PREX2: variants seen among roughly 807,000 people sequenced by gnomAD.
The protein encoded by PREX2 is phosphatidylinositol-3,4,5-trisphosphate dependent Rac exchange factor 2, also known as phosphatidylinositol 3,4,5-trisphosphate-dependent Rac exchanger 2 protein.
A neutral mutation model predicts 203.2 loss-of-function variants in PREX2; 107 were observed. The ratio of observed to expected loss-of-function variants is 0.53; its 90% CI spans 0.45 to 0.62. The LOEUF (loss-of-function observed/expected upper bound fraction) is 0.62, where lower values mean the gene tolerates loss of function less well. PREX2 is among the 20% of genes least tolerant of loss of function. The probability of loss-of-function intolerance (pLI) is 0.00; values close to 1 mark genes in which losing one functional copy is unlikely to be tolerated. For missense variants in PREX2, 1,777 were observed against 1,955.9 expected, an observed-to-expected ratio of 0.91 and a Z score of 1.72; for synonymous variants, 672 against 663.6, an observed-to-expected ratio of 1.01 and a Z score of -0.19.
intron 35 of PREX2, among the ~76,000 whole-genome samples, chr8:68,158,683 A>G (rs754059876): frequency 6.6e-5 from 10 of 152,280 alleles, no homozygotes; most frequent in Non-Finnish European, 1.2e-4. Flanking sequence ...AGATAAATAC[A>G]TAGCGCAAAG....
chr8:68,098,350 A>G (rs1306496944), intron 22 of PREX2, among the ~76,000 whole-genome samples: 4 of 152,172 alleles, frequency 2.6e-5, no homozygotes, highest in Non-Finnish European at 2.9e-5. Flanking sequence ...AGTGGGAGGA[A>G]GTAATATAGA....
At chr8:68,219,710 C>T (rs1014621897) in intron 38 of PREX2, among the ~76,000 whole-genome samples, 2 of 152,130 alleles carry the variant, frequency 1.3e-5, no homozygotes, top group African/African-American at 4.8e-5. Context: ...AGACTGGTGG[C>T]CCCAGAGATT....
At chr8:68,199,610 A>G (rs1339114160) in intron 37 of PREX2, among the ~76,000 whole-genome samples, 1 of 152,254 alleles carries the variant, frequency 6.6e-6, no homozygotes, top group African/African-American at 2.4e-5. Context: ...TGTATTACCA[A>G]TATGGTTAAT....
At chr8:68,019,440 G>A in intron 2 of PREX2, 109 bp from the exon 3 acceptor site, 1 of 789,122 alleles carries the variant, frequency 1.3e-6, no homozygotes, top group Non-Finnish European at 1.9e-6. Context: ...CAAGGTGGGA[G>A]GAAGGCATGG....
At chr8:68,046,241 C>T (rs988124664) in intron 8 of PREX2, among the ~76,000 whole-genome samples, 6 of 151,968 alleles carry the variant, frequency 3.9e-5, no homozygotes, top group African/African-American at 1.4e-4. Context: ...ATGTCAGTGC[C>T]ACTATTAGTG....
At chr8:67,972,610 G>A (rs1439851095) in intron 1 of PREX2, among the ~76,000 whole-genome samples, 2 of 152,098 alleles carry the variant, frequency 1.3e-5, no homozygotes, top group Admixed American at 1.3e-4. Context: ...TCACTTCCCC[G>A]GCATTGTTCA....
At chr8:68,196,981 A>G (rs1192124213) in intron 37 of PREX2, among the ~76,000 whole-genome samples, 1 of 152,162 alleles carries the variant, frequency 6.6e-6, no homozygotes, top group Non-Finnish European at 1.5e-5. Flanking sequence ...GTATTTTCTC[A>G]TAGTTCTGGA....
rs1308371480 is a variant in PREX2, at chr8:68,077,386, T to C, written c.1570-11T>C. 1.9e-6 allele frequency: 3 copies of C among 1,611,332 alleles called. No homozygotes were observed. Among genetic ancestry groups the C allele is most frequent in the Admixed American group, 3.3e-5 (2 of 60,030 alleles). On this transcript the variant is annotated splice_polypyrimidine_tract_variant and intron_variant, in intron 14 of 39. Coordinates refer to ENST00000288368, the MANE Select transcript of PREX2 (RefSeq NM_024870.4). ...GCCTATTAACTCCCACAGTGCTTTT[T>C]TGGTTAACAGGGAGATTGCCGCACC...
Position 68,074,672 on chromosome 8 carries a change from T to TTTTGTTTG in PREX2, c.1569+2114_1569+2121dup, listed in dbSNP as rs56229836. ...TCTTAATCTAACATGAAGAAGAGGTTTTTGTTTGTTTGTTTGTTTTTTGTT... is the reference window on the plus strand; with the variant it reads ...TCTTAATCTAACATGAAGAAGAGGTTTTTGTTTGTTTGTTTGTTTGTTTGTTTTTTGTT... On this transcript the variant is annotated intron_variant, in intron 14 of 39. Coordinates refer to ENST00000288368, the MANE Select transcript of PREX2 (RefSeq NM_024870.4). Among the ~76,000 whole-genome samples, 10 of 151,276 alleles carry TTTTGTTTG rather than the reference T, an allele frequency of 6.6e-5. No homozygotes were observed. The East Asian group carries it at 1.4e-3, about 21-fold the overall frequency.
chr8:68,115,172 C>T (rs900172561), intron 25 of PREX2, among the ~76,000 whole-genome samples: 5 of 151,902 alleles, frequency 3.3e-5, no homozygotes, highest in African/African-American at 9.7e-5. Context: ...GGATTACAAG[C>T]ATGCGCCACC....
intron 17 of PREX2, 74 bp downstream of exon 17, chr8:68,080,912 A>G: frequency 4.7e-6 from 4 of 855,402 alleles, no homozygotes; most frequent in Non-Finnish European, 7.8e-6. Context: ...ACAAACTGAA[A>G]TCTGCCTTTA....
intron 1 of PREX2, among the ~76,000 whole-genome samples, chr8:67,969,525 G>A (rs1008722687): frequency 3.9e-5 from 6 of 152,148 alleles, no homozygotes; most frequent in Non-Finnish European, 8.8e-5. Flanking sequence ...ATAACCCAAG[G>A]AGAGGTAGAT....
At chr8:68,132,173 G>A (rs1811022395) in intron 31 of PREX2, among the ~76,000 whole-genome samples, 1 of 151,962 alleles carries the variant, frequency 6.6e-6, no homozygotes, top group Non-Finnish European at 1.5e-5. Context: ...TTTATTTTTA[G>A]TGCCACTGAC....
At chr8:68,204,269 A>G (rs909706861) in intron 37 of PREX2, among the ~76,000 whole-genome samples, 1 of 152,208 alleles carries the variant, frequency 6.6e-6, no homozygotes, top group African/African-American at 2.4e-5. Context: ...AACCTCCACA[A>G]TGAAACTGTG....
intron 35 of PREX2, among the ~76,000 whole-genome samples, chr8:68,173,166 C>T (rs1295883766): frequency 6.6e-6 from 1 of 152,126 alleles, no homozygotes; most frequent in Non-Finnish European, 1.5e-5. Flanking sequence ...GAATTGGAAA[C>T]CAGATTAGTC....
At chr8:68,002,106 C>T (rs1806954866) in intron 1 of PREX2, among the ~76,000 whole-genome samples, 1 of 149,206 alleles carries the variant, frequency 6.7e-6, no homozygotes, top group Admixed American at 6.7e-5. Flanking sequence ...AAAGAAAGTG[C>T]ATGGAGAAGA....
chr8:68,174,672 T>C (rs1019545745), intron 35 of PREX2, among the ~76,000 whole-genome samples: 1 of 152,190 alleles, frequency 6.6e-6, no homozygotes, highest in Non-Finnish European at 1.5e-5. Context: ...TTATGCTTTA[T>C]ATACTTTTTG....
rs1035761334 is a variant in PREX2 at position 68,069,278 on chromosome 8, A to G, written c.1443+142A>G. On this transcript the variant is annotated intron_variant, in intron 12 of 39. Transcript: ENST00000288368. Reference sequence around the variant, plus strand: ...TATATACAAGCAAGCCTCTTTATTTATTTTTGGTATTTCAAGAATTCTAAC... The same window carrying G: ...TATATACAAGCAAGCCTCTTTATTTGTTTTTGGTATTTCAAGAATTCTAAC... The G allele has an allele frequency of 1.3e-5, 7 of 558,284 alleles. No homozygotes were observed. The East Asian group carries it at 1.4e-4, about 11-fold the overall frequency. 34.6% of individuals were successfully genotyped at this position (558,284 alleles called of 1,614,324 possible). A position where few individuals can be genotyped will look rare whatever the true frequency, so the allele number is the denominator to read the frequency against.
chr8:68,024,317 C>T (rs558926371), intron 4 of PREX2, among the ~76,000 whole-genome samples: 15 of 151,836 alleles, frequency 9.9e-5, no homozygotes, highest in African/African-American at 2.2e-4. Context: ...ATCTATTTTA[C>T]CCTTTAACTC....
Sources: allele counts gnomAD v4.1 joint callset (sites outside exome capture counted in the v4.1 genomes callset), GRCh38; gene constraint gnomAD v4.1.1; transcripts MANE v1.5; gene names NCBI Gene and HGNC (gene_info 2026-07-23, HGNC 2026-07-21).